CNTNAP4: variants seen among roughly 807,000 people sequenced by gnomAD.
The protein encoded by CNTNAP4 is contactin associated protein family member 4, also known as contactin-associated protein-like 4.
Under a neutral mutation model 148.4 loss-of-function variants are expected in CNTNAP4, and 98 were observed. That is an observed-to-expected ratio of 0.66 (90% CI 0.56 to 0.78). The LOEUF is 0.78. Among genes scored for constraint, CNTNAP4 ranks in the 30% least tolerant of loss-of-function variants. The pLI, the probability that CNTNAP4 is intolerant of heterozygous loss-of-function variation, is 0.00. For synonymous variants in CNTNAP4, 730 were observed against 565.1 expected, an observed-to-expected ratio of 1.29 and a Z score of -4.14; for missense variants, 1,935 against 1,565.6, an observed-to-expected ratio of 1.24 and a Z score of -3.98.
chr16:76,420,428 GCAA>G (rs1161256973), intron 3 of CNTNAP4, among the ~76,000 whole-genome samples: 1 of 151,848 alleles, frequency 6.6e-6, no homozygotes, highest in Non-Finnish European at 1.5e-5. Context: ...ACTTTTACAG[GCAA>G]CCAGAAGCAC....
intron 2 of CNTNAP4, among the ~76,000 whole-genome samples, chr16:76,345,195 AATAGCC>A (rs1964802882): frequency 1.3e-5 from 2 of 152,146 alleles, no homozygotes; most frequent in African/African-American, 4.8e-5. Flanking sequence ...GCAGTTGTGT[AATAGCC>A]TTTGAGTATT....
At chr16:76,352,109 A>G (rs982581082) in intron 2 of CNTNAP4, among the ~76,000 whole-genome samples, 3 of 152,170 alleles carry the variant, frequency 2.0e-5, no homozygotes, top group Non-Finnish European at 4.4e-5. Context: ...TTATAGGGGC[A>G]TTTCATTCAC....
chr16:76,397,943 TA>T (rs2078263669), intron 3 of CNTNAP4, among the ~76,000 whole-genome samples: 1 of 2,150 alleles, frequency 4.7e-4, no homozygotes, highest in African/African-American at 1.8e-3. Context: ...ATAGATTATA[TA>T]CATATATATA....
intron 17 of CNTNAP4, among the ~76,000 whole-genome samples, chr16:76,534,031 T>C (rs1225250096): frequency 6.6e-6 from 1 of 152,214 alleles, no homozygotes; most frequent in Non-Finnish European, 1.5e-5. Flanking sequence ...TTCCTTTTCA[T>C]AGTCTTTCAT....
chr16:76,327,126 G>A (rs1392456180), intron 2 of CNTNAP4, among the ~76,000 whole-genome samples: 1 of 152,130 alleles, frequency 6.6e-6, no homozygotes, highest in African/African-American at 2.4e-5. Context: ...ATAATGCTCA[G>A]GTTTTGGGTA....
intron 21 of CNTNAP4, among the ~76,000 whole-genome samples, chr16:76,545,912 G>T (rs963269718): frequency 1.3e-5 from 2 of 151,986 alleles, no homozygotes; most frequent in Non-Finnish European, 2.9e-5. Flanking sequence ...GCATGCGCCC[G>T]TAGTCTCAGC....
chr16:76,441,861 A>T (rs1353220361), intron 4 of CNTNAP4, among the ~76,000 whole-genome samples: 1 of 152,148 alleles, frequency 6.6e-6, no homozygotes, highest in Non-Finnish European at 1.5e-5. Flanking sequence ...GTCAGCTTCT[A>T]AAAACTAGGC....
At chr16:76,366,551 T>C (rs550530481) in intron 3 of CNTNAP4, among the ~76,000 whole-genome samples, 1 of 152,336 alleles carries the variant, frequency 6.6e-6, no homozygotes, top group East Asian at 1.9e-4. Context: ...GCATTTATGT[T>C]GATTCCATGT....
intron 21 of CNTNAP4, among the ~76,000 whole-genome samples, chr16:76,545,154 A>T (rs8050658): frequency 0.22 from 33,126 of 152,180 alleles, 3,826 homozygotes; most frequent in African/African-American, 0.29. Flanking sequence ...TCTATCTTAC[A>T]ATCTTTTAAA....
At chr16:76,309,464 A>T (rs1321972245) in intron 1 of CNTNAP4, among the ~76,000 whole-genome samples, 1 of 152,150 alleles carries the variant, frequency 6.6e-6, no homozygotes, top group Non-Finnish European at 1.5e-5. Flanking sequence ...GGGAGGCTGT[A>T]GGCAGGCTGA....
intron 14 of CNTNAP4, among the ~76,000 whole-genome samples, chr16:76,496,424 C>T (rs2082405175): frequency 6.6e-6 from 1 of 152,072 alleles, no homozygotes; most frequent in Admixed American, 6.5e-5. Context: ...TTAAATTCCG[C>T]TAATGGTGAA....
chr16:76,374,617 G>A (rs950284657), intron 3 of CNTNAP4, among the ~76,000 whole-genome samples: 3 of 151,834 alleles, frequency 2.0e-5, no homozygotes, highest in African/African-American at 4.8e-5. Flanking sequence ...TTGTATTTAT[G>A]TACACACAAA....
chr16:76,501,704 T>C (rs1046398967), intron 15 of CNTNAP4, among the ~76,000 whole-genome samples: 1 of 151,898 alleles, frequency 6.6e-6, no homozygotes, highest in Non-Finnish European at 1.5e-5. Context: ...ATGTCAGTAG[T>C]ACTGAGGCTG....
intron 4 of CNTNAP4, among the ~76,000 whole-genome samples, chr16:76,441,465 G>C (rs2080036758): frequency 6.6e-6 from 1 of 152,164 alleles, no homozygotes; most frequent in African/African-American, 2.4e-5. Flanking sequence ...TGATATGAGA[G>C]TAGGGCGTAC....
rs929450341 is a variant in CNTNAP4, at chr16:76,559,444, A to G, written c.*761A>G. On this transcript the variant is annotated 3_prime_UTR_variant, in exon 24 of 24. Coordinates refer to ENST00000611870, the MANE Select transcript of CNTNAP4 (RefSeq NM_033401.5). Reference sequence around the variant, plus strand: ...CCAATTAATTTGCTACCATTGTTTGATGGTGACAGTACTTAAGACCCTGAG... The same window carrying G: ...CCAATTAATTTGCTACCATTGTTTGGTGGTGACAGTACTTAAGACCCTGAG... Among the ~76,000 whole-genome samples the G allele has an allele frequency of 6.6e-6, 1 of 152,162 alleles. No individual in the cohort carries two copies. The highest frequency in any genetic ancestry group is 1.5e-5 in the Non-Finnish European group (1 of 68,026).
intron 4 of CNTNAP4, among the ~76,000 whole-genome samples, chr16:76,434,622 G>T (rs1248199168): frequency 6.6e-6 from 1 of 152,198 alleles, no homozygotes. Context: ...AGTCTTTGAT[G>T]TTGGCACTAA....
chr16:76,293,108 A>C (rs887234864), intron 1 of CNTNAP4, among the ~76,000 whole-genome samples: 1 of 151,874 alleles, frequency 6.6e-6, no homozygotes, highest in African/African-American at 2.4e-5. Flanking sequence ...TGAAGCTCTT[A>C]ATATTTCTTT....
chr16:76,470,993 T>C (rs1416179617), intron 10 of CNTNAP4, among the ~76,000 whole-genome samples: 2 of 152,104 alleles, frequency 1.3e-5, no homozygotes, highest in African/African-American at 4.8e-5. Context: ...TCCTTACTCA[T>C]GCACACTCAC....
At chr16:76,479,975 A>G (rs1194280317) in intron 12 of CNTNAP4, among the ~76,000 whole-genome samples, 2 of 152,178 alleles carry the variant, frequency 1.3e-5, no homozygotes, top group African/African-American at 2.4e-5. Context: ...AAAACACTCA[A>G]CAAATTACCA....
Sources: gnomAD v4.1 joint callset for allele counts (sites outside exome capture counted in the v4.1 genomes callset) on GRCh38, gnomAD v4.1.1 for gene constraint, MANE v1.5 for transcripts, NCBI Gene and HGNC (gene_info 2026-07-23, HGNC 2026-07-21) for gene names.